The following MALSU1 variants were observed in gnomAD, a reference collection of about 807,000 sequenced individuals.
The protein encoded by MALSU1 is mitochondrial assembly of ribosomal large subunit 1.
In MALSU1, 22 loss-of-function variants were observed where a neutral mutation model predicts 22.1. That is an observed-to-expected ratio of 1.00 (90% CI 0.71 to 1.42). MALSU1 has a LOEUF of 1.42. Ranked by LOEUF, MALSU1 falls within the 40% of genes most tolerant of loss-of-function variation. The pLI, the probability that MALSU1 is intolerant of heterozygous loss-of-function variation, is 0.00. For synonymous variants in MALSU1, 153 were observed against 118.5 expected, an observed-to-expected ratio of 1.29 and a Z score of -1.89; for missense variants, 379 against 308.3, an observed-to-expected ratio of 1.23 and a Z score of -1.72.
intron 2 of MALSU1, 28 bp downstream of exon 2, chr7:23,301,045 C>T: frequency 6.3e-7 from 1 of 1,588,030 alleles, no homozygotes; most frequent in Non-Finnish European, 8.6e-7. Context: ...CTCTTTTGGA[C>T]CATTAACTGA....
chr7:23,308,649 A>G (rs77837709), intron 3 of MALSU1, among the ~76,000 whole-genome samples: 7,858 of 152,220 alleles, frequency 0.052, 688 homozygotes, highest in African/African-American at 0.18. Context: ...TGGATTCCAT[A>G]GGGCAACATG....
chr7:23,300,212 G>A (rs1001997291), intron 1 of MALSU1, among the ~76,000 whole-genome samples: 4 of 151,844 alleles, frequency 2.6e-5, no homozygotes, highest in Admixed American at 2.0e-4. Flanking sequence ...AAATCTTTAC[G>A]GGAAAAAAAA....
chr7:23,306,712 C>T (rs1783727316), intron 2 of MALSU1, among the ~76,000 whole-genome samples: 1 of 152,094 alleles, frequency 6.6e-6, no homozygotes, highest in South Asian at 2.1e-4. Flanking sequence ...TTTCTTCATT[C>T]TGTTAATGTG....
intron 2 of MALSU1, 76 bp downstream of exon 2, chr7:23,301,093 C>T: frequency 7.4e-7 from 1 of 1,344,526 alleles, no homozygotes; most frequent in Non-Finnish European, 1.0e-6. Context: ...AGGAGCAACA[C>T]TTAGAGGGTA....
At chr7:23,303,801 G>A (rs1040106114) in intron 2 of MALSU1, among the ~76,000 whole-genome samples, 2 of 132,354 alleles carry the variant, frequency 1.5e-5, no homozygotes, top group East Asian at 2.3e-4. Context: ...AGAGCAAGAC[G>A]CTGTCTCAAA....
In MALSU1 at chr7:23,309,675, G is replaced by GCTAA. The variant is rs1328046288; in HGVS notation, c.*135_*138dup. Reference sequence around the variant, plus strand: ...GCTTGTGTACCTCATGGGCACTCCTGCTAACTGGCATGCAGAGACTGTCGA... The same window carrying GCTAA: ...GCTTGTGTACCTCATGGGCACTCCTGCTAACTAACTGGCATGCAGAGACTGTCGA... On this transcript the variant is annotated 3_prime_UTR_variant, in exon 4 of 4. Coordinates refer to ENST00000466681, the MANE Select transcript of MALSU1 (RefSeq NM_138446.2). 3 of 626,472 alleles carry GCTAA rather than the reference G, an allele frequency of 4.8e-6. No homozygotes were observed. The highest frequency in any genetic ancestry group is 3.0e-5 in the East Asian group (1 of 32,846). The allele number at this position is 626,472 out of a possible 1,614,324, so 38.8% of individuals were successfully genotyped here.
chr7:23,308,486 CTG>C (rs1416364281), intron 3 of MALSU1, among the ~76,000 whole-genome samples: 1 of 152,204 alleles, frequency 6.6e-6, no homozygotes, highest in Non-Finnish European at 1.5e-5. Flanking sequence ...ACTGAGGAGT[CTG>C]AGATTTTATT....
intron 2 of MALSU1, 68 bp from the exon 3 acceptor site, chr7:23,307,800 A>G: frequency 1.0e-6 from 1 of 961,834 alleles, no homozygotes. Context: ...ACAAAAAAAA[A>G]AGACCTTCAG....
At chr7:23,305,626 C>T (rs1022752291) in intron 2 of MALSU1, among the ~76,000 whole-genome samples, 1 of 152,140 alleles carries the variant, frequency 6.6e-6, no homozygotes, top group Non-Finnish European at 1.5e-5. Flanking sequence ...ATGCACCCGC[C>T]TTGGCCTCCC....
At chr7:23,299,733 C>T in intron 1 of MALSU1, 125 bp downstream of exon 1, 4 of 1,143,892 alleles carry the variant, frequency 3.5e-6, no homozygotes, top group South Asian at 1.6e-5. Flanking sequence ...CCTGCACATC[C>T]AGAGCTGGAA....
intron 2 of MALSU1, among the ~76,000 whole-genome samples, chr7:23,303,616 G>T (rs1390377846): frequency 6.6e-6 from 1 of 151,478 alleles, no homozygotes; most frequent in East Asian, 1.9e-4. Context: ...GGGCAACATG[G>T]TGAAACTCCA....
rs1391819256 is a variant in MALSU1 at position 23,299,356 on chromosome 7, G to A, written c.4G>A (p.Gly2Arg). Reference sequence around the variant, plus strand: ...ACGCCGACGCAAGGCTGCTGCTATGGGGCCGGGCGGCCGTGTGGCGCGGCT... The same window carrying A: ...ACGCCGACGCAAGGCTGCTGCTATGAGGCCGGGCGGCCGTGTGGCGCGGCT... The part of the protein sequence containing the change: M[G>R]PGGRVARLLA... Residue 2 changes from glycine (G) to arginine (R), a missense_variant, in exon 1 of 4, where the codon GGG becomes AGG. Physicochemically the swap from Gly to Arg is moderately radical, Grantham distance 125 (BLOSUM62 -2). Transcript: ENST00000466681. 1 of 1,571,272 alleles carries A rather than the reference G, an allele frequency of 6.4e-7. No homozygotes were observed. Among genetic ancestry groups the A allele is most frequent in the Non-Finnish European group, 8.6e-7 (1 of 1,163,866 alleles).
intron 2 of MALSU1, among the ~76,000 whole-genome samples, chr7:23,303,191 A>G (rs561346295): frequency 2.0e-5 from 3 of 152,358 alleles, no homozygotes; most frequent in Non-Finnish European, 2.9e-5. Context: ...TCATTAAACA[A>G]TAACTCCCCA....
At position 23,307,922 on chromosome 7, in the gene MALSU1, A is replaced by G. The variant is rs753431892; in HGVS notation, c.490A>G (p.Thr164Ala). 2 of 1,613,988 alleles carry G rather than the reference A, an allele frequency of 1.2e-6. No individual in the cohort carries two copies. The highest frequency in any genetic ancestry group is 2.2e-5 in the East Asian group (1 of 44,884). ...TCATGTTAAGATAGAAGGGAAGGAC[A>G]CTGATGACTGGCTGTGCGTGGATTT... Reference protein sequence around the residue: ...DPHVKIEGKDTDDWLCVDFGS... With the variant: ...DPHVKIEGKDADDWLCVDFGS... Residue 164 changes from threonine to alanine, a missense_variant, in exon 3 of 4, where the codon ACT (threonine) becomes GCT (alanine). Thr to Ala is a moderately conservative substitution (Grantham distance 58). Coordinates refer to ENST00000466681, the MANE Select transcript of MALSU1 (RefSeq NM_138446.2).
At chr7:23,308,091 T>G (rs973333069) in intron 3 of MALSU1, 142 bp downstream of exon 3, 5 of 695,322 alleles carry the variant, frequency 7.2e-6, no homozygotes, top group Non-Finnish European at 1.2e-5. Context: ...GTAACAAAAG[T>G]TTTTTTAGTT....
At chr7:23,307,283 C>G (rs1435528870) in intron 2 of MALSU1, among the ~76,000 whole-genome samples, 1 of 151,998 alleles carries the variant, frequency 6.6e-6, no homozygotes, top group Admixed American at 6.5e-5. Flanking sequence ...TGTCTTTTTC[C>G]TGCCCTAATT....
rs927461299 is a variant in MALSU1 at position 23,308,583 on chromosome 7, C to T, written c.517+634C>T. On this transcript the variant is annotated intron_variant, in intron 3 of 3. Coordinates refer to ENST00000466681, the MANE Select transcript of MALSU1 (RefSeq NM_138446.2). ...CTATTAGAGGGTTAGAGACAAAGAA[C>T]AGTTTATTACTCACAGCAGTAGCCA... is the stretch of plus-strand genomic sequence containing the variant. Among the ~76,000 whole-genome samples the T allele has an allele frequency of 1.7e-4, 26 of 152,240 alleles. 1 individual carries two copies. The highest frequency in any genetic ancestry group is 5.5e-4 in the African/African-American group (23 of 41,540).
intron 1 of MALSU1, among the ~76,000 whole-genome samples, chr7:23,300,014 T>G (rs1783620307): frequency 6.6e-6 from 1 of 152,172 alleles, no homozygotes; most frequent in East Asian, 1.9e-4. Flanking sequence ...CAAGTTAATA[T>G]CCTCTAGTTA....
At chr7:23,301,273 TAA>T in intron 2 of MALSU1, 1 of 289,528 alleles carries the variant, frequency 3.5e-6, no homozygotes, top group Non-Finnish European at 6.4e-6. Context: ...TTTTTTTTTC[TAA>T]TTGAGATGGA....
Sources: gnomAD v4.1 joint callset for allele counts (sites outside exome capture counted in the v4.1 genomes callset) on GRCh38, gnomAD v4.1.1 for gene constraint, MANE v1.5 for transcripts, NCBI Gene and HGNC (gene_info 2026-07-23, HGNC 2026-07-21) for gene names.